The following EAF1 variants were observed in gnomAD, a reference collection of about 807,000 sequenced individuals.
EAF1 encodes the protein ELL associated factor 1.
A neutral mutation model predicts 26.6 loss-of-function variants in EAF1; 19 were observed. That is an observed-to-expected ratio of 0.71 (90% confidence interval 0.50 to 1.05). The LOEUF (loss-of-function observed/expected upper bound fraction) is 1.05, where lower values mean the gene tolerates loss of function less well. Ranked by LOEUF, EAF1 falls within the 50% of genes least tolerant of loss-of-function variation. The probability of loss-of-function intolerance (pLI) is 0.00; values close to 1 mark genes in which losing one functional copy is unlikely to be tolerated. For missense variants in EAF1, 260 were observed against 335.5 expected, an observed-to-expected ratio of 0.78 and a Z score of 1.76; for synonymous variants, 102 against 120.6, an observed-to-expected ratio of 0.85 and a Z score of 1.01.
In EAF1 at chr3:15,442,157, C is replaced by G. The variant is rs2061874918; in HGVS notation, c.*3002C>G. The G allele has an allele frequency of 6.6e-6, 1 of 152,252 alleles. No homozygotes were observed. Among genetic ancestry groups the G allele is most frequent in the Non-Finnish European group, 1.5e-5 (1 of 68,018 alleles). The allele number at this position is 152,252 out of a possible 1,614,324, so 9.4% of individuals were successfully genotyped here. On this transcript the variant is annotated 3_prime_UTR_variant, in exon 6 of 6. Transcript: ENST00000396842. ...TGTATGTGCTTTGGTTGTAGGAAAA[C>G]TTGAAAATTCCAAAATCCTTATTTT...
In EAF1 at chr3:15,439,539, C is replaced by G. The variant is rs2061854306; in HGVS notation, c.*384C>G. 1 of 170,944 alleles carries G rather than the reference C, an allele frequency of 5.8e-6. No homozygotes were observed. Among genetic ancestry groups the G allele is most frequent in the East Asian group, 1.6e-4 (1 of 6,270 alleles). 10.6% of individuals were successfully genotyped at this position (170,944 alleles called of 1,614,324 possible). ...CATCAGTTTGGCCAAGTGGTTGGTA[C>G]CAGTGGAATGAAGTCTTTGATGGGT... On this transcript the variant is annotated 3_prime_UTR_variant, in exon 6 of 6. Transcript: ENST00000396842.
Position 15,441,152 on chromosome 3 carries a change from C to T in EAF1, c.*1997C>T, listed in dbSNP as rs1228868494. On this transcript the variant is annotated 3_prime_UTR_variant, in exon 6 of 6. Coordinates refer to ENST00000396842, the MANE Select transcript of EAF1 (RefSeq NM_033083.7). ...CTGAGCTTCAGACCGTTTGTCCTGT[C>T]ATCTGTCCTGCCCAACACTGTATGG... The T allele has an allele frequency of 6.5e-6, 1 of 153,520 alleles. No individual in the cohort carries two copies. Among genetic ancestry groups the T allele is most frequent in the Non-Finnish European group, 1.5e-5 (1 of 68,072 alleles). The allele number at this position is 153,520 out of a possible 1,614,324, so 9.5% of individuals were successfully genotyped here. A position where few individuals can be genotyped will look rare whatever the true frequency, so the allele number is the denominator to read the frequency against.
At chr3:15,430,236 A>G (rs1388756027) in intron 2 of EAF1, among the ~76,000 whole-genome samples, 2 of 151,972 alleles carry the variant, frequency 1.3e-5, no homozygotes, top group Non-Finnish European at 2.9e-5. Context: ...AAGTGGGTGG[A>G]TAGCTTGAGT....
chr3:15,439,091 ATTT>A lies in EAF1; in HGVS notation c.761-9_761-7del, dbSNP rs199579790. ...TTGTTTGATTCTATGATTTTACTTTATTTTTTTTTTTAAATAGGAAATGACTTG... is the reference window on the plus strand; with the variant it reads ...TTGTTTGATTCTATGATTTTACTTTATTTTTTTTAAATAGGAAATGACTTG... On this transcript the variant is annotated splice_polypyrimidine_tract_variant and intron_variant, in intron 5 of 5. Transcript: ENST00000396842. The A allele has an allele frequency of 6.8e-6, 9 of 1,331,716 alleles. No homozygotes were observed. In the South Asian group the frequency reaches 1.1e-4, roughly 17 times the overall value. The allele number at this position is 1,331,716 out of a possible 1,614,324, so 82.5% of individuals were successfully genotyped here. A position where few individuals can be genotyped will look rare whatever the true frequency, so the allele number is the denominator to read the frequency against.
intron 2 of EAF1, among the ~76,000 whole-genome samples, chr3:15,430,550 C>T (rs1387892931): frequency 2.0e-5 from 3 of 152,036 alleles, no homozygotes; most frequent in African/African-American, 7.3e-5. Flanking sequence ...TGTCTGGACA[C>T]CTAGCCCCTC....
chr3:15,434,255 G>A, intron 3 of EAF1, 93 bp from the exon 4 acceptor site: 1 of 1,427,638 alleles, frequency 7.0e-7, no homozygotes, highest in Non-Finnish European at 9.6e-7. Context: ...AGAACATGGG[G>A]TTCTACAGAG....
At chr3:15,428,986 A>G (rs1308008501) in intron 1 of EAF1, among the ~76,000 whole-genome samples, 1 of 152,212 alleles carries the variant, frequency 6.6e-6, no homozygotes, top group Non-Finnish European at 1.5e-5. Flanking sequence ...CATTTCCTGA[A>G]GAGTTTACTA....
At position 15,436,462 on chromosome 3, in the gene EAF1, A is replaced by G. The variant is rs775789874; in HGVS notation, c.647A>G (p.Asn216Ser). 5.0e-6 allele frequency: 8 copies of G among 1,613,314 alleles called. No homozygotes were observed. Among genetic ancestry groups the G allele is most frequent in the South Asian group, 4.4e-5 (4 of 91,072 alleles). Reference sequence around the variant, plus strand: ...AGCTCCAGCAGTGGAGGCGAGGACAATGGCCCAGCCTCTCCTCCGCAGCCT... The same window carrying G: ...AGCTCCAGCAGTGGAGGCGAGGACAGTGGCCCAGCCTCTCCTCCGCAGCCT... ...DDSSSSGGED[N>S]GPASPPQPSH... The change falls in exon 5 of 6, where the codon AAT becomes AGT. Residue 216 changes from asparagine (N) to serine (S), a missense_variant. Transcript: ENST00000396842.
At position 15,442,356 on chromosome 3, in the gene EAF1, G is replaced by A. The variant is rs1403592522; in HGVS notation, c.*3201G>A. ...AGGAAGGTAGGATTTCTGAAACTCA[G>A]GCCTTAACCAATAGGTTGGAAGACA... is the stretch of plus-strand genomic sequence containing the variant. On this transcript the variant is annotated 3_prime_UTR_variant, in exon 6 of 6. Coordinates refer to ENST00000396842, the MANE Select transcript of EAF1 (RefSeq NM_033083.7). 1 of 152,440 alleles carries A rather than the reference G, an allele frequency of 6.6e-6. No homozygotes were observed. Among genetic ancestry groups the A allele is most frequent in the Non-Finnish European group, 1.5e-5 (1 of 68,020 alleles). 9.4% of individuals were successfully genotyped at this position (152,440 alleles called of 1,614,324 possible). A position where few individuals can be genotyped will look rare whatever the true frequency, so the allele number is the denominator to read the frequency against.
chr3:15,432,059 G>T, intron 2 of EAF1, 28 bp from the exon 3 acceptor site: 1 of 1,606,712 alleles, frequency 6.2e-7, no homozygotes, highest in South Asian at 1.1e-5. Flanking sequence ...TGTTTAGTTT[G>T]ATCATCTTAT....
intron 3 of EAF1, among the ~76,000 whole-genome samples, chr3:15,432,692 A>G (rs544897669): frequency 6.6e-6 from 1 of 152,346 alleles, no homozygotes; most frequent in South Asian, 2.1e-4. Context: ...CAGTTGCTAC[A>G]TGTCTAAAAT....
At chr3:15,438,991 A>G (rs1022069027) in intron 5 of EAF1, 118 bp from the exon 6 acceptor site, 3 of 912,300 alleles carry the variant, frequency 3.3e-6, no homozygotes, top group Non-Finnish European at 4.9e-6. Context: ...TTGAATTAAC[A>G]AGGTTTTACT....
intron 3 of EAF1, 64 bp downstream of exon 3, chr3:15,432,287 T>G: frequency 6.3e-7 from 1 of 1,586,940 alleles, no homozygotes; most frequent in Admixed American, 1.8e-5. Flanking sequence ...TATTCAGTTT[T>G]TATAAGGTTG....
chr3:15,437,493 GC>G (rs1371833981), intron 5 of EAF1, among the ~76,000 whole-genome samples: 1 of 151,830 alleles, frequency 6.6e-6, no homozygotes, highest in East Asian at 1.9e-4. Context: ...TCACTGTTTT[GC>G]CCAGGCTGGT....
At chr3:15,436,694 A>C (rs1417836237) in intron 5 of EAF1, 119 bp downstream of exon 5, 1 of 855,526 alleles carries the variant, frequency 1.2e-6, no homozygotes, top group East Asian at 2.6e-5. Context: ...CTTGTTAAAA[A>C]TAGTTTGGAG....
chr3:15,428,121 G>C (rs2061767360), intron 1 of EAF1, among the ~76,000 whole-genome samples: 1 of 151,768 alleles, frequency 6.6e-6, no homozygotes, highest in African/African-American at 2.4e-5. Context: ...TCAAACACTA[G>C]TTCCAAAGGT....
rs1286827685 is a variant in EAF1, at chr3:15,440,392, A to G, written c.*1237A>G. 1 of 152,212 alleles carries G rather than the reference A, an allele frequency of 6.6e-6. No individual in the cohort carries two copies. Among genetic ancestry groups the G allele is most frequent in the African/African-American group, 2.4e-5 (1 of 41,444 alleles). The allele number at this position is 152,212 out of a possible 1,614,324, so 9.4% of individuals were successfully genotyped here. A position where few individuals can be genotyped will look rare whatever the true frequency, so the allele number is the denominator to read the frequency against. ...GGTTGCTAGTCAATGTTCTATATTT[A>G]ATGAATGTGTGATAAATCATCCTGT... On this transcript the variant is annotated 3_prime_UTR_variant, in exon 6 of 6. Transcript: ENST00000396842.
chr3:15,428,027 T>G, intron 1 of EAF1, 145 bp downstream of exon 1: 1 of 662,352 alleles, frequency 1.5e-6, no homozygotes, highest in Non-Finnish European at 2.6e-6. Flanking sequence ...CCAAATCCTT[T>G]GGGACATCGA....
At chr3:15,427,934 C>A in intron 1 of EAF1, 52 bp downstream of exon 1, 1 of 1,387,526 alleles carries the variant, frequency 7.2e-7, no homozygotes, top group Admixed American at 2.3e-5. Context: ...CGCCACATAT[C>A]AACCTTGACT....
Sources: allele counts gnomAD v4.1 joint callset (sites outside exome capture counted in the v4.1 genomes callset), GRCh38; gene constraint gnomAD v4.1.1; transcripts MANE v1.5; gene names NCBI Gene and HGNC (gene_info 2026-07-23, HGNC 2026-07-21).